ARHGAP10: variants seen among roughly 807,000 people sequenced by gnomAD.
ARHGAP10 encodes rho GTPase-activating protein 10.
ARHGAP10 carries 87 observed loss-of-function variants against 108.6 expected under a neutral mutation model. That is an observed-to-expected ratio of 0.80 (90% CI 0.67 to 0.96). ARHGAP10 has a LOEUF of 0.96. Among genes scored for constraint, ARHGAP10 ranks in the 40% least tolerant of loss-of-function variants. The pLI is 0.00. For missense variants in ARHGAP10, 939 were observed against 954.5 expected (o/e 0.98, Z 0.21); for synonymous variants, 347 against 341.1 (o/e 1.02, Z -0.19).
At chr4:147,945,431 C>T (rs751631261) in intron 14 of ARHGAP10, among the ~76,000 whole-genome samples, 14 of 152,082 alleles carry the variant, frequency 9.2e-5, no homozygotes, top group Admixed American at 3.3e-4. Flanking sequence ...CATAATTACA[C>T]GCTATTTGGA....
At chr4:147,849,733 G>A (rs1190791358) in intron 4 of ARHGAP10, among the ~76,000 whole-genome samples, 1 of 152,166 alleles carries the variant, frequency 6.6e-6, no homozygotes, top group African/African-American at 2.4e-5. Flanking sequence ...TATTCTAAGT[G>A]GCTAGGTGGT....
At chr4:147,968,321 A>G (rs1384695160) in intron 18 of ARHGAP10, among the ~76,000 whole-genome samples, 1 of 152,244 alleles carries the variant, frequency 6.6e-6, no homozygotes, top group Non-Finnish European at 1.5e-5. Context: ...CTCATAGTTA[A>G]AAGTGTACCT....
intron 1 of ARHGAP10, among the ~76,000 whole-genome samples, chr4:147,765,680 G>T (rs1318276778): frequency 6.6e-6 from 1 of 152,108 alleles, no homozygotes; most frequent in Non-Finnish European, 1.5e-5. Context: ...CATGCCTGTT[G>T]TCCGAGCTAC....
At chr4:147,942,181 T>G (rs1370791377) in intron 14 of ARHGAP10, among the ~76,000 whole-genome samples, 1 of 152,182 alleles carries the variant, frequency 6.6e-6, no homozygotes, top group African/African-American at 2.4e-5. Context: ...GGTAATAGGT[T>G]TATTTCAAAT....
intron 18 of ARHGAP10, among the ~76,000 whole-genome samples, chr4:148,010,401 A>G (rs1741126116): frequency 6.6e-6 from 1 of 152,124 alleles, no homozygotes; most frequent in African/African-American, 2.4e-5. Flanking sequence ...TGGTTTTTTC[A>G]TCTATATCAT....
chr4:147,866,874 G>T, intron 7 of ARHGAP10, 58 bp downstream of exon 7: 1 of 1,408,392 alleles, frequency 7.1e-7, no homozygotes, highest in Non-Finnish European at 1.0e-6. Context: ...TTTCATTTGT[G>T]TGTTGTATGA....
intron 1 of ARHGAP10, among the ~76,000 whole-genome samples, chr4:147,785,995 G>A (rs763462595): frequency 2.0e-5 from 3 of 151,986 alleles, no homozygotes; most frequent in Admixed American, 6.6e-5. Context: ...TTCTGATTTC[G>A]GGAAAATTGA....
intron 1 of ARHGAP10, among the ~76,000 whole-genome samples, chr4:147,794,937 A>C (rs1731256994): frequency 6.6e-6 from 1 of 152,186 alleles, no homozygotes; most frequent in Non-Finnish European, 1.5e-5. Context: ...TTACCATAAA[A>C]ATTCAATATT....
At chr4:147,972,607 A>G (rs557871506) in intron 18 of ARHGAP10, among the ~76,000 whole-genome samples, 1 of 152,314 alleles carries the variant, frequency 6.6e-6, no homozygotes, top group East Asian at 1.9e-4. Flanking sequence ...GAAGAAACCC[A>G]GGCAGGATCA....
In ARHGAP10 at chr4:148,062,588, A is replaced by G. The variant is rs542527550; in HGVS notation, c.2028-560A>G. On this transcript the variant is annotated intron_variant, in intron 20 of 22. Transcript: ENST00000336498. ...TGACCTGTTTACATTAACTTTAAAA[A>G]AAAAGGGAAATATTAAGAAATGCTC... 3.8e-3 allele frequency among the ~76,000 whole-genome samples: 578 copies of G among 152,342 alleles called. 3 individuals are homozygous for G. The highest frequency in any genetic ancestry group is 6.5e-3 in the Non-Finnish European group (444 of 68,036).
At chr4:147,906,518 G>T in intron 10 of ARHGAP10, 120 bp from the exon 11 acceptor site, 1 of 857,388 alleles carries the variant, frequency 1.2e-6, no homozygotes, top group Admixed American at 2.7e-5. Context: ...TAAATTTTAG[G>T]TTACATGTAT....
chr4:147,767,005 C>A (rs181180581), intron 1 of ARHGAP10, among the ~76,000 whole-genome samples: 3 of 151,622 alleles, frequency 2.0e-5, no homozygotes, highest in Non-Finnish European at 4.4e-5. Flanking sequence ...CCTGCCACCA[C>A]GCCCAGATAA....
chr4:147,850,300 C>T (rs1015739104), intron 4 of ARHGAP10, among the ~76,000 whole-genome samples: 2 of 152,252 alleles, frequency 1.3e-5, no homozygotes, highest in Non-Finnish European at 2.9e-5. Context: ...GGAATAAAAG[C>T]TGGCCATCCA....
At position 147,826,064 on chromosome 4, in the gene ARHGAP10, C is replaced by T. The variant is rs111768407; in HGVS notation, c.312+3107C>T. ...ACAGCATATCTGGAGTGGTGAGGTGCGGACTGCCTTTTCAGTAGGATACTG... is the reference window on the plus strand; with the variant it reads ...ACAGCATATCTGGAGTGGTGAGGTGTGGACTGCCTTTTCAGTAGGATACTG... On this transcript the variant is annotated intron_variant, in intron 3 of 22. Transcript: ENST00000336498. Among the ~76,000 whole-genome samples, 467 of 152,298 alleles carry T rather than the reference C, an allele frequency of 3.1e-3. 1 individual carries two copies. The highest frequency in any genetic ancestry group is 0.01 in the African/African-American group (432 of 41,554).
At chr4:148,006,157 C>T (rs1221534327) in intron 18 of ARHGAP10, among the ~76,000 whole-genome samples, 5 of 152,256 alleles carry the variant, frequency 3.3e-5, no homozygotes, top group Admixed American at 6.5e-5. Flanking sequence ...AGCCAGCTGC[C>T]GTGTTAAAAG....
At chr4:147,741,806 A>ACACG (rs1728683516) in intron 1 of ARHGAP10, among the ~76,000 whole-genome samples, 1 of 147,178 alleles carries the variant, frequency 6.8e-6, no homozygotes, top group Non-Finnish European at 1.5e-5. Flanking sequence ...ACACACACAC[A>ACACG]CACACACACA....
intron 19 of ARHGAP10, among the ~76,000 whole-genome samples, chr4:148,036,393 A>G (rs1728380200): frequency 6.6e-6 from 1 of 152,146 alleles, no homozygotes; most frequent in African/African-American, 2.4e-5. Context: ...TAGTTCCTAT[A>G]ATCCCCACGT....
chr4:147,907,201 C>T (rs959764069), intron 11 of ARHGAP10, among the ~76,000 whole-genome samples: 3 of 152,072 alleles, frequency 2.0e-5, no homozygotes, highest in Admixed American at 6.6e-5. Flanking sequence ...GGATGGGCCT[C>T]GGTATTCAGA....
intron 1 of ARHGAP10, among the ~76,000 whole-genome samples, chr4:147,775,355 G>A (rs1730241398): frequency 6.6e-6 from 1 of 152,236 alleles, no homozygotes; most frequent in Non-Finnish European, 1.5e-5. Context: ...CCTAGGCTGA[G>A]GCTAATGGAG....
Sources: gnomAD v4.1 joint callset for allele counts (sites outside exome capture counted in the v4.1 genomes callset) on GRCh38, gnomAD v4.1.1 for gene constraint, MANE v1.5 for transcripts, NCBI Gene and HGNC (gene_info 2026-07-23, HGNC 2026-07-21) for gene names.